XPR1: variants seen among roughly 807,000 people sequenced by gnomAD.
XPR1 encodes the protein solute carrier family 53 member 1.
Under a neutral mutation model 87.5 loss-of-function variants are expected in XPR1, and 28 were observed. That is an observed-to-expected ratio of 0.32 (90% confidence interval 0.24 to 0.44). XPR1 has a LOEUF of 0.44. Among genes scored for constraint, XPR1 ranks in the 20% least tolerant of loss-of-function variants. The pLI is 1.00. For synonymous variants in XPR1, 300 were observed against 306.1 expected (o/e 0.98, Z 0.21); for missense variants, 559 against 862.3 (o/e 0.65, Z 4.41).
chr1:180,636,262 G>C (rs975185400), intron 1 of XPR1, among the ~76,000 whole-genome samples: 1 of 152,182 alleles, frequency 6.6e-6, no homozygotes, highest in Non-Finnish European at 1.5e-5. Flanking sequence ...GCTGCAACTT[G>C]TTTGAAATAT....
intron 1 of XPR1, among the ~76,000 whole-genome samples, chr1:180,671,659 T>C (rs968926868): frequency 1.3e-5 from 2 of 152,104 alleles, no homozygotes; most frequent in Admixed American, 1.3e-4. Flanking sequence ...GGATTACATG[T>C]GTCAACTACC....
chr1:180,691,337 A>G (rs1470171884), intron 2 of XPR1, among the ~76,000 whole-genome samples: 2 of 152,082 alleles, frequency 1.3e-5, no homozygotes, highest in Non-Finnish European at 2.9e-5. Flanking sequence ...ATATATATCT[A>G]CTCAGTGGAA....
At chr1:180,879,051 C>T (rs1338584588) in intron 13 of XPR1, among the ~76,000 whole-genome samples, 1 of 152,234 alleles carries the variant, frequency 6.6e-6, no homozygotes, top group African/African-American at 2.4e-5. Flanking sequence ...TCTAACCTAA[C>T]AGGAACAGCC....
chr1:180,761,221 A>C (rs1648011329), intron 2 of XPR1, among the ~76,000 whole-genome samples: 1 of 152,234 alleles, frequency 6.6e-6, no homozygotes, highest in African/African-American at 2.4e-5. Context: ...CAAGGACTTC[A>C]TGTCTAAAAC....
At chr1:180,796,044 G>A (rs1012825732) in intron 3 of XPR1, among the ~76,000 whole-genome samples, 19 of 152,068 alleles carry the variant, frequency 1.2e-4, no homozygotes, top group African/African-American at 4.6e-4. Context: ...TCCTGACCTC[G>A]TGATCCACTC....
chr1:180,873,527 A>G (rs146267702), intron 12 of XPR1, among the ~76,000 whole-genome samples: 210 of 152,360 alleles, frequency 1.4e-3, no homozygotes, highest in African/African-American at 4.3e-3. Context: ...AAAGCCTGGT[A>G]TACAGTATGG....
At chr1:180,783,651 C>T (rs1447069576) in intron 2 of XPR1, among the ~76,000 whole-genome samples, 1 of 151,916 alleles carries the variant, frequency 6.6e-6, no homozygotes, top group African/African-American at 2.4e-5. Flanking sequence ...ATTTTTTATA[C>T]ACACCAGGAT....
intron 12 of XPR1, among the ~76,000 whole-genome samples, chr1:180,873,475 A>T (rs541794705): frequency 5.3e-5 from 8 of 152,374 alleles, no homozygotes; most frequent in African/African-American, 1.7e-4. Context: ...AATCTCAATC[A>T]ATCAAGGATC....
chr1:180,740,879 CTCCTCACTGTG>C lies in XPR1; in HGVS notation c.122-46866_122-46856del, dbSNP rs528571317. 1.1e-4 allele frequency among the ~76,000 whole-genome samples: 17 copies of C among 152,298 alleles called. No homozygotes were observed. The East Asian group carries it at 3.1e-3, about 28-fold the overall frequency. On this transcript the variant is annotated intron_variant, in intron 2 of 14. Coordinates refer to ENST00000367590, the MANE Select transcript of XPR1 (RefSeq NM_004736.4). ...TGCTTTCTGGCCCCTAGATGACTGT[CTCCTCACTGTG>C]TCCTCACATGGTAAAAGGGGCATGG...
intron 1 of XPR1, among the ~76,000 whole-genome samples, chr1:180,658,246 G>T (rs191741381): frequency 3.3e-5 from 5 of 152,208 alleles, no homozygotes; most frequent in Non-Finnish European, 5.9e-5. Flanking sequence ...TGAATAGTTT[G>T]ACTTCTTTCT....
At chr1:180,694,421 G>A (rs1460307246) in intron 2 of XPR1, among the ~76,000 whole-genome samples, 2 of 152,092 alleles carry the variant, frequency 1.3e-5, no homozygotes, top group East Asian at 1.9e-4. Flanking sequence ...GTATGATCCC[G>A]GAAAGTGAAA....
At chr1:180,847,473 A>G (rs1023963767) in intron 11 of XPR1, among the ~76,000 whole-genome samples, 1 of 152,186 alleles carries the variant, frequency 6.6e-6, no homozygotes, top group Non-Finnish European at 1.5e-5. Flanking sequence ...TAATTTAGCC[A>G]CTTACTAATT....
intron 1 of XPR1, among the ~76,000 whole-genome samples, chr1:180,646,434 T>A (rs1655122835): frequency 6.6e-6 from 1 of 152,180 alleles, no homozygotes; most frequent in African/African-American, 2.4e-5. Context: ...TCTTTTAATG[T>A]AGGGTGCTTG....
chr1:180,642,371 A>G (rs1377881251), intron 1 of XPR1, among the ~76,000 whole-genome samples: 1 of 152,194 alleles, frequency 6.6e-6, no homozygotes, highest in Non-Finnish European at 1.5e-5. Flanking sequence ...AGAAGATAAG[A>G]ATATGAATGA....
At chr1:180,671,722 C>T (rs1177602254) in intron 1 of XPR1, among the ~76,000 whole-genome samples, 2 of 152,092 alleles carry the variant, frequency 1.3e-5, no homozygotes, top group East Asian at 3.9e-4. Flanking sequence ...ACCATGTTGG[C>T]CAGGCTGATC....
rs199765318 is a variant in XPR1 at position 180,824,706 on chromosome 1, G to A, written c.764-47G>A. 2,273 of 1,467,090 alleles carry A rather than the reference G, an allele frequency of 1.5e-3. 7 individuals are homozygous for A. The highest frequency in any genetic ancestry group is 3.0e-3 in the Middle Eastern group (16 of 5,420). The allele number at this position is 1,467,090 out of a possible 1,614,324, so 90.9% of individuals were successfully genotyped here. A position where few individuals can be genotyped will look rare whatever the true frequency, so the allele number is the denominator to read the frequency against. ...GAAGACAAAAGATTATTAATTCAAG[G>A]GAAGTTATGAATTTTATAACTGACC... is the stretch of plus-strand genomic sequence containing the variant. On this transcript the variant is annotated intron_variant, in intron 7 of 14. Transcript: ENST00000367590.
At chr1:180,653,276 A>G (rs1655351439) in intron 1 of XPR1, among the ~76,000 whole-genome samples, 1 of 152,172 alleles carries the variant, frequency 6.6e-6, no homozygotes. Context: ...TGTAGAGGTA[A>G]AAATCATTGG....
chr1:180,706,831 G>A (rs1193215150), intron 2 of XPR1, among the ~76,000 whole-genome samples: 1 of 151,924 alleles, frequency 6.6e-6, no homozygotes, highest in Non-Finnish European at 1.5e-5. Context: ...TGTTGGCCAG[G>A]CTGGTCTCGA....
At chr1:180,731,724 A>T (rs145575665) in intron 2 of XPR1, among the ~76,000 whole-genome samples, 1 of 152,364 alleles carries the variant, frequency 6.6e-6, no homozygotes, top group African/African-American at 2.4e-5. Flanking sequence ...TATAAAAATT[A>T]TCAATGAGAT....
Sources: allele counts gnomAD v4.1 joint callset (sites outside exome capture counted in the v4.1 genomes callset), GRCh38; gene constraint gnomAD v4.1.1; transcripts MANE v1.5; gene names NCBI Gene and HGNC (gene_info 2026-07-23, HGNC 2026-07-21).